The following DLGAP4 variants were observed in gnomAD, a reference collection of about 807,000 sequenced individuals.
DLGAP4 encodes the protein DLG associated protein 4.
In DLGAP4, 18 loss-of-function variants were observed where a neutral mutation model predicts 86.9. The ratio of observed to expected loss-of-function variants is 0.21; its 90% CI spans 0.14 to 0.31. The LOEUF is 0.31. Ranked by LOEUF, DLGAP4 falls within the 10% of genes least tolerant of loss-of-function variation. The pLI is 1.00. For synonymous variants in DLGAP4, 548 were observed against 574.3 expected (o/e 0.95, Z 0.65); for missense variants, 1,085 against 1,362.6 (o/e 0.80, Z 3.21).
chr20:36,369,716 C>T (rs375947602), intron 2 of DLGAP4, among the ~76,000 whole-genome samples: 3 of 152,192 alleles, frequency 2.0e-5, no homozygotes, highest in African/African-American at 4.8e-5. Context: ...GGTTACATGA[C>T]TATTTCCTTT....
intron 10 of DLGAP4, among the ~76,000 whole-genome samples, chr20:36,518,341 A>G (rs917196440): frequency 6.6e-6 from 1 of 151,980 alleles, no homozygotes; most frequent in African/African-American, 2.4e-5. Context: ...CTTTATTTGC[A>G]TCTGTCTTCT....
chr20:36,331,374 G>A (rs1223548926), intron 1 of DLGAP4, among the ~76,000 whole-genome samples: 5 of 152,226 alleles, frequency 3.3e-5, no homozygotes, highest in Non-Finnish European at 5.9e-5. Context: ...CCAGCTCACC[G>A]ATGGCCTTGG....
At chr20:36,490,167 A>G (rs1326746357) in intron 7 of DLGAP4, among the ~76,000 whole-genome samples, 1 of 151,948 alleles carries the variant, frequency 6.6e-6, no homozygotes, top group African/African-American at 2.4e-5. Flanking sequence ...CAGTGTTGCT[A>G]TTTCTTAAGG....
intron 1 of DLGAP4, among the ~76,000 whole-genome samples, chr20:36,315,285 T>A (rs2065088405): frequency 6.6e-6 from 1 of 151,904 alleles, no homozygotes; most frequent in African/African-American, 2.4e-5. Context: ...CCAGGAGAGC[T>A]AAGAGGAGAC....
intron 10 of DLGAP4, among the ~76,000 whole-genome samples, chr20:36,514,013 T>C (rs1219554740): frequency 6.6e-6 from 1 of 152,128 alleles, no homozygotes; most frequent in African/African-American, 2.4e-5. Context: ...TAGATTAAGA[T>C]GAATAAGATG....
At chr20:36,322,804 T>C (rs1460423322) in intron 1 of DLGAP4, among the ~76,000 whole-genome samples, 1 of 152,216 alleles carries the variant, frequency 6.6e-6, no homozygotes, top group Non-Finnish European at 1.5e-5. Context: ...TTGTAGAGTG[T>C]ACTAATCTTA....
intron 7 of DLGAP4, among the ~76,000 whole-genome samples, chr20:36,463,003 AG>A (rs1348360126): frequency 3.9e-4 from 2 of 5,088 alleles, no homozygotes; most frequent in African/African-American, 9.9e-4. Flanking sequence ...GAAATTTTGC[AG>A]GGGGGTGGGG....
chr20:36,369,524 C>G (rs2030839184), intron 2 of DLGAP4, among the ~76,000 whole-genome samples: 1 of 152,090 alleles, frequency 6.6e-6, no homozygotes, highest in Non-Finnish European at 1.5e-5. Context: ...GCCCAGGAGA[C>G]AGAGGTTGCA....
At chr20:36,491,721 G>A (rs1037337907) in intron 7 of DLGAP4, among the ~76,000 whole-genome samples, 2 of 152,172 alleles carry the variant, frequency 1.3e-5, no homozygotes, top group Non-Finnish European at 2.9e-5. Context: ...CTCAGGTTTG[G>A]GAGGAGCCCT....
At chr20:36,368,055 G>C (rs1367157190) in intron 2 of DLGAP4, among the ~76,000 whole-genome samples, 1 of 152,220 alleles carries the variant, frequency 6.6e-6, no homozygotes, top group Admixed American at 6.5e-5. Flanking sequence ...CAAGGACAAA[G>C]AACAACCACT....
chr20:36,466,926 C>CTCTCTCTCTCTCTCTCTG (rs2034384621), intron 7 of DLGAP4, among the ~76,000 whole-genome samples: 2 of 140,934 alleles, frequency 1.4e-5, no homozygotes, highest in African/African-American at 2.7e-5. Context: ...CTCGCTCTTG[C>CTCTCTCTCTCTCTCTCTG]TCTCTCTCTC....
intron 1 of DLGAP4, among the ~76,000 whole-genome samples, chr20:36,312,145 T>A (rs944401929): frequency 6.6e-6 from 1 of 152,206 alleles, no homozygotes; most frequent in African/African-American, 2.4e-5. Context: ...AGAGGAGAAC[T>A]GTGGCCTCTC....
intron 7 of DLGAP4, among the ~76,000 whole-genome samples, chr20:36,483,429 G>C (rs374252093): frequency 1.3e-5 from 2 of 152,156 alleles, no homozygotes; most frequent in Non-Finnish European, 2.9e-5. Flanking sequence ...CCAGGCAAGG[G>C]TCCCTGCTCT....
intron 7 of DLGAP4, among the ~76,000 whole-genome samples, chr20:36,476,318 CTTTTTTTTTTTTTT>C (rs1028980966): frequency 2.5e-5 from 3 of 119,598 alleles, no homozygotes; most frequent in Non-Finnish European, 5.3e-5. Flanking sequence ...TGGCAACCAC[CTTTTTTTTTTTTTT>C]TTTTTTTTTT....
intron 2 of DLGAP4, among the ~76,000 whole-genome samples, chr20:36,383,563 G>T (rs1221805841): frequency 6.6e-6 from 1 of 151,952 alleles, no homozygotes; most frequent in Non-Finnish European, 1.5e-5. Context: ...TATGAAGATG[G>T]GTTTTCCTAG....
chr20:36,451,717 G>A (rs2033740536), intron 7 of DLGAP4, among the ~76,000 whole-genome samples: 2 of 151,350 alleles, frequency 1.3e-5, no homozygotes, highest in Admixed American at 6.6e-5. Context: ...GTCCACATAC[G>A]GCATCTTAAC....
intron 1 of DLGAP4, among the ~76,000 whole-genome samples, chr20:36,334,312 G>C (rs561782061): frequency 6.6e-6 from 1 of 152,262 alleles, no homozygotes; most frequent in East Asian, 1.9e-4. Flanking sequence ...GCTGGCTGAT[G>C]GCGAGCTGGT....
intron 1 of DLGAP4, among the ~76,000 whole-genome samples, chr20:36,343,089 GCCCC>G (rs2065400193): frequency 1.3e-5 from 2 of 151,536 alleles, no homozygotes; most frequent in African/African-American, 4.9e-5. Flanking sequence ...CTGGCCCTCA[GCCCC>G]AGTTTGGGCC....
In DLGAP4 at chr20:36,526,933, C is replaced by T; in HGVS notation, c.2881C>T (p.Leu961=). 2 of 1,613,862 alleles carry T rather than the reference C, an allele frequency of 1.2e-6. No homozygotes were observed. The highest frequency in any genetic ancestry group is 2.2e-5 in the South Asian group (2 of 91,034). ...KQRQEARKRL[L]AAKRAASVRQ... ...GCGCCAGGAGGCCCGCAAGAGACTC[C>T]TGGCGGCCAAGCGGGCAGCTTCTGT... is the stretch of plus-strand genomic sequence containing the variant. The change falls in exon 13 of 13, where the codon CTG becomes TTG. Residue 961 remains leucine (L), a synonymous_variant. Coordinates refer to ENST00000339266, the MANE Select transcript of DLGAP4 (RefSeq NM_001365621.2).
Sources: allele counts gnomAD v4.1 joint callset (sites outside exome capture counted in the v4.1 genomes callset), GRCh38; gene constraint gnomAD v4.1.1; transcripts MANE v1.5; gene names NCBI Gene and HGNC (gene_info 2026-07-23, HGNC 2026-07-21).